Variants in ADCY1 observed in about 807,000 individuals in gnomAD.
ADCY1 encodes the protein adenylate cyclase 1, also known as adenylate cyclase type 1.
In ADCY1, 28 loss-of-function variants were observed where a neutral mutation model predicts 105.4. That is an observed-to-expected ratio of 0.27 (90% CI 0.20 to 0.36). ADCY1 has a LOEUF of 0.36. Among genes scored for constraint, ADCY1 ranks in the 10% least tolerant of loss-of-function variants. The pLI, the probability that ADCY1 is intolerant of heterozygous loss-of-function variation, is 1.00. For synonymous variants in ADCY1, 655 were observed against 623.8 expected, an observed-to-expected ratio of 1.05 and a Z score of -0.75; for missense variants, 977 against 1,434.2, an observed-to-expected ratio of 0.68 and a Z score of 5.15.
chr7:45,652,749 G>T (rs1794844337), intron 5 of ADCY1, among the ~76,000 whole-genome samples: 1 of 152,190 alleles, frequency 6.6e-6, no homozygotes, highest in Admixed American at 6.5e-5. Flanking sequence ...GAGGCCCTCT[G>T]AAGTGCAGGG....
intron 16 of ADCY1, among the ~76,000 whole-genome samples, chr7:45,704,267 C>G (rs929260775): frequency 6.6e-6 from 1 of 152,146 alleles, no homozygotes; most frequent in African/African-American, 2.4e-5. Flanking sequence ...AGCCCCACCA[C>G]GCCTTGTCAT....
At chr7:45,702,532 C>G (rs752347152) in intron 14 of ADCY1, among the ~76,000 whole-genome samples, 3 of 152,228 alleles carry the variant, frequency 2.0e-5, no homozygotes, top group Non-Finnish European at 4.4e-5. Context: ...AGAGTATTCC[C>G]CAAGCTTCAC....
chr7:45,704,184 T>G (rs1402829073), intron 16 of ADCY1, among the ~76,000 whole-genome samples: 1 of 152,068 alleles, frequency 6.6e-6, no homozygotes, highest in Non-Finnish European at 1.5e-5. Flanking sequence ...GCACGCACCC[T>G]TGTCTACAGA....
intron 14 of ADCY1, among the ~76,000 whole-genome samples, chr7:45,698,434 G>A (rs976211607): frequency 2.6e-5 from 4 of 152,174 alleles, no homozygotes; most frequent in Non-Finnish European, 5.9e-5. Flanking sequence ...GATCTAAAAA[G>A]GGCTTTTCAT....
intron 4 of ADCY1, among the ~76,000 whole-genome samples, chr7:45,635,601 G>GTTTTTTT (rs71030884): frequency 1.7e-4 from 10 of 57,204 alleles, no homozygotes; most frequent in Non-Finnish European, 2.5e-4. Context: ...AATTTCTCTT[G>GTTTTTTT]TTTTTTTTTT....
At chr7:45,701,615 C>T (rs1784997763) in intron 14 of ADCY1, among the ~76,000 whole-genome samples, 2 of 152,156 alleles carry the variant, frequency 1.3e-5, no homozygotes, top group African/African-American at 4.8e-5. Context: ...ACAAACCTTT[C>T]TTTTGTGTAT....
intron 8 of ADCY1, among the ~76,000 whole-genome samples, chr7:45,674,387 T>C (rs1421388364): frequency 6.6e-6 from 1 of 152,176 alleles, no homozygotes; most frequent in East Asian, 1.9e-4. Context: ...AATTCTCTTT[T>C]CTTTTTTTTG....
chr7:45,711,656 C>T (rs556033632), intron 19 of ADCY1, among the ~76,000 whole-genome samples: 9 of 125,446 alleles, frequency 7.2e-5, no homozygotes, highest in East Asian at 4.5e-4. Flanking sequence ...CACACACACA[C>T]GTATGTATAC....
intron 8 of ADCY1, among the ~76,000 whole-genome samples, chr7:45,663,161 G>A (rs921088316): frequency 1.3e-5 from 2 of 152,192 alleles, no homozygotes; most frequent in African/African-American, 2.4e-5. Context: ...CTCTGCAGGC[G>A]TCCAGGCCTG....
chr7:45,701,948 A>G (rs1785005919), intron 14 of ADCY1, among the ~76,000 whole-genome samples: 1 of 152,142 alleles, frequency 6.6e-6, no homozygotes, highest in Non-Finnish European at 1.5e-5. Flanking sequence ...GACAGGAAGA[A>G]ACACCTGGCG....
At chr7:45,637,586 G>A (rs77349366) in intron 4 of ADCY1, among the ~76,000 whole-genome samples, 16,761 of 152,126 alleles carry the variant, frequency 0.11, 967 homozygotes, top group South Asian at 0.18. Context: ...TTAACTGGGT[G>A]TGGTGGCACA....
intron 8 of ADCY1, among the ~76,000 whole-genome samples, chr7:45,671,769 A>G (rs1364094272): frequency 6.6e-6 from 1 of 151,956 alleles, no homozygotes; most frequent in African/African-American, 2.4e-5. Flanking sequence ...CTGCTTTCTA[A>G]TTGGATTATT....
intron 4 of ADCY1, among the ~76,000 whole-genome samples, chr7:45,630,364 G>A (rs2115967312): frequency 6.6e-6 from 1 of 152,272 alleles, no homozygotes; most frequent in East Asian, 1.9e-4. Context: ...GGTTTCCCAA[G>A]GCTACTGTGG....
At chr7:45,695,660 G>A (rs568167832) in intron 14 of ADCY1, among the ~76,000 whole-genome samples, 1 of 152,354 alleles carries the variant, frequency 6.6e-6, no homozygotes, top group African/African-American at 2.4e-5. Context: ...GAAGGACGCA[G>A]CATAACTTCA....
intron 4 of ADCY1, among the ~76,000 whole-genome samples, chr7:45,641,526 C>T (rs947035083): frequency 2.6e-5 from 4 of 152,190 alleles, no homozygotes; most frequent in African/African-American, 9.7e-5. Flanking sequence ...CATCTGAGAA[C>T]TTTTGACCTG....
intron 17 of ADCY1, among the ~76,000 whole-genome samples, chr7:45,706,771 G>A (rs868817160): frequency 6.6e-6 from 1 of 152,030 alleles, no homozygotes; most frequent in South Asian, 2.1e-4. Flanking sequence ...GAAAAGTCAA[G>A]TCACAGATTA....
At chr7:45,633,679 G>A (rs887128300) in intron 4 of ADCY1, among the ~76,000 whole-genome samples, 6 of 151,988 alleles carry the variant, frequency 3.9e-5, no homozygotes, top group East Asian at 1.9e-4. Flanking sequence ...GCGGGCGCCC[G>A]TAGTCCCAGC....
rs117390924 is a variant in ADCY1, at chr7:45,614,226, A to G, written c.908+3729A>G. Among the ~76,000 whole-genome samples, 1,225 of 152,308 alleles carry G rather than the reference A, an allele frequency of 8.0e-3. 66 individuals are homozygous for G. In the East Asian group the frequency reaches 0.13, roughly 16 times the overall value. On this transcript the variant is annotated intron_variant, in intron 3 of 19. Transcript: ENST00000297323. ...TGGAAAGTATGTTAAAATATATACTATATGAATAAATAGAAACTGTGACAA... is the reference window on the plus strand; with the variant it reads ...TGGAAAGTATGTTAAAATATATACTGTATGAATAAATAGAAACTGTGACAA...
At chr7:45,699,776 T>G (rs2471275) in intron 14 of ADCY1, among the ~76,000 whole-genome samples, 1 of 151,920 alleles carries the variant, frequency 6.6e-6, no homozygotes, top group Non-Finnish European at 1.5e-5. Context: ...TCGCAGGCCT[T>G]CTGAGGGTGC....
Sources: gnomAD v4.1 joint callset for allele counts (sites outside exome capture counted in the v4.1 genomes callset) on GRCh38, gnomAD v4.1.1 for gene constraint, MANE v1.5 for transcripts, NCBI Gene and HGNC (gene_info 2026-07-23, HGNC 2026-07-21) for gene names.